Variants in SLC7A6 observed in about 807,000 individuals in gnomAD.
The protein encoded by SLC7A6 is Y+L amino acid transporter 2.
Under a neutral mutation model 46.6 loss-of-function variants are expected in SLC7A6, and 29 were observed. The ratio of observed to expected loss-of-function variants is 0.62; its 90% confidence interval spans 0.46 to 0.85. SLC7A6 has a LOEUF of 0.85. Among genes scored for constraint, SLC7A6 ranks in the 40% least tolerant of loss-of-function variants. The pLI is 0.00. For missense variants in SLC7A6, 527 were observed against 647.6 expected, an observed-to-expected ratio of 0.81 and a Z score of 2.02; for synonymous variants, 276 against 257.3, an observed-to-expected ratio of 1.07 and a Z score of -0.70.
At chr16:68,295,559 G>C (rs1356576651) in intron 8 of SLC7A6, among the ~76,000 whole-genome samples, 5 of 152,144 alleles carry the variant, frequency 3.3e-5, no homozygotes, top group Admixed American at 2.0e-4. Context: ...CAAAGTGCTG[G>C]GATTATAGGC....
intron 3 of SLC7A6, among the ~76,000 whole-genome samples, 188 bp downstream of exon 3, chr16:68,275,437 A>G (rs1346084248): frequency 6.6e-6 from 1 of 151,946 alleles, no homozygotes; most frequent in Non-Finnish European, 1.5e-5. Flanking sequence ...CTCTACTGAA[A>G]AAACAAATAT....
intron 7 of SLC7A6, 61 bp downstream of exon 7, chr16:68,291,722 A>G (rs745618983): frequency 3.0e-5 from 43 of 1,442,456 alleles, no homozygotes; most frequent in Non-Finnish European, 3.9e-5. Context: ...GGGCTTAGGC[A>G]TAAGAGTTCC....
intron 2 of SLC7A6, 125 bp from the exon 3 acceptor site, chr16:68,274,566 C>A: frequency 1.4e-6 from 1 of 733,874 alleles, no homozygotes; most frequent in Non-Finnish European, 2.2e-6. Flanking sequence ...CTGAGACAGG[C>A]CTATTGTAGT....
intron 10 of SLC7A6, 27 bp downstream of exon 10, chr16:68,296,837 A>G (rs2043179203): frequency 6.2e-7 from 1 of 1,611,428 alleles, no homozygotes; most frequent in African/African-American, 1.3e-5. Context: ...CCCATTACTC[A>G]CTGGCGGCTA....
intron 3 of SLC7A6, among the ~76,000 whole-genome samples, chr16:68,281,687 G>C (rs1270918049): frequency 6.6e-6 from 1 of 152,194 alleles, no homozygotes; most frequent in Non-Finnish European, 1.5e-5. Context: ...TGACCAGCAG[G>C]ATTCACAGTA....
chr16:68,267,811 AC>A (rs951963817), intron 2 of SLC7A6, among the ~76,000 whole-genome samples: 11 of 152,062 alleles, frequency 7.2e-5, no homozygotes, highest in Admixed American at 7.2e-4. Flanking sequence ...TTTGAGCCCT[AC>A]CCCCAACCTC....
At chr16:68,278,199 C>T (rs981586659) in intron 3 of SLC7A6, among the ~76,000 whole-genome samples, 1 of 151,406 alleles carries the variant, frequency 6.6e-6, no homozygotes, top group Non-Finnish European at 1.5e-5. Context: ...TCGTGATCCG[C>T]CTGCTTTGGC....
chr16:68,266,046 G>T (rs1490870159), intron 1 of SLC7A6, among the ~76,000 whole-genome samples: 1 of 152,016 alleles, frequency 6.6e-6, no homozygotes, highest in African/African-American at 2.4e-5. Flanking sequence ...GGATCACGGG[G>T]TCAGGAGATC....
At chr16:68,287,490 G>A in intron 3 of SLC7A6, 1 of 1,382,046 alleles carries the variant, frequency 7.2e-7, no homozygotes, top group Non-Finnish European at 9.5e-7. Flanking sequence ...AATGGTGCTA[G>A]CCATCAGGAT....
Position 68,291,206 on chromosome 16 carries a change from C to A in SLC7A6, c.795-3C>A, listed in dbSNP as rs752536623. The A allele has an allele frequency of 4.3e-6, 7 of 1,614,114 alleles. No individual in the cohort carries two copies. The highest frequency in any genetic ancestry group is 1.3e-5 in the African/African-American group (1 of 74,936). On this transcript the variant is annotated splice_region_variant and splice_polypyrimidine_tract_variant and intron_variant, in intron 5 of 10. Transcript: ENST00000219343. ...GGTAGTCCTTTCTCACTTGTCCTGA[C>A]AGAAATTTGCCCTTGGCCATTGGGA...
rs1270351164 is a variant in SLC7A6, at chr16:68,301,196, G to A, written c.*3868G>A. On this transcript the variant is annotated 3_prime_UTR_variant, in exon 11 of 11. Coordinates refer to ENST00000219343, the MANE Select transcript of SLC7A6 (RefSeq NM_003983.6). ...ACATGTTAAGCTAGGAAACCTAACA[G>A]GATGTCAGCAGGGCAGTTAACTCTG... 2 of 1,538,434 alleles carry A rather than the reference G, an allele frequency of 1.3e-6. No homozygotes were observed. Among genetic ancestry groups the A allele is most frequent in the Non-Finnish European group, 1.8e-6 (2 of 1,136,388 alleles).
intron 3 of SLC7A6, among the ~76,000 whole-genome samples, chr16:68,282,603 T>C (rs760793317): frequency 2.6e-4 from 39 of 151,738 alleles, no homozygotes; most frequent in Non-Finnish European, 5.4e-4. Context: ...ACCCTGCCTT[T>C]CTTCCTTTCT....
At chr16:68,292,853 A>G (rs1456302252) in intron 7 of SLC7A6, 1 of 152,256 alleles carries the variant, frequency 6.6e-6, no homozygotes, top group Non-Finnish European at 1.5e-5. Flanking sequence ...CAATTTTGAA[A>G]CAATTCCCAT....
At chr16:68,290,732 G>A in intron 5 of SLC7A6, 192 bp downstream of exon 5, 1 of 670,696 alleles carries the variant, frequency 1.5e-6, no homozygotes, top group Non-Finnish European at 2.5e-6. Flanking sequence ...TCGGCTCCCT[G>A]TCCTCACGTT....
intron 3 of SLC7A6, chr16:68,287,212 A>C: frequency 1.3e-6 from 1 of 756,366 alleles, no homozygotes; most frequent in Middle Eastern, 2.9e-4. Context: ...TCCTGGGCTC[A>C]CATGATCCAT....
chr16:68,294,871 T>C, intron 8 of SLC7A6, 70 bp downstream of exon 8: 12 of 1,094,452 alleles, frequency 1.1e-5, no homozygotes, highest in Non-Finnish European at 1.7e-5. Flanking sequence ...TGCTAAGTTG[T>C]TAAATAAGAG....
At chr16:68,270,595 T>C (rs955289340) in intron 2 of SLC7A6, among the ~76,000 whole-genome samples, 13 of 152,218 alleles carry the variant, frequency 8.5e-5, no homozygotes, top group Non-Finnish European at 1.8e-4. Flanking sequence ...TGACATTTGG[T>C]AATTTTTAAA....
intron 2 of SLC7A6, among the ~76,000 whole-genome samples, chr16:68,268,622 G>A (rs966538808): frequency 1.3e-5 from 2 of 152,100 alleles, no homozygotes; most frequent in Non-Finnish European, 2.9e-5. Flanking sequence ...TGGCAGTTTC[G>A]TGGTTAAATT....
At chr16:68,280,581 T>A (rs2042811357) in intron 3 of SLC7A6, among the ~76,000 whole-genome samples, 3 of 99,056 alleles carry the variant, frequency 3.0e-5, no homozygotes, top group African/African-American at 1.3e-4. Flanking sequence ...TAGTCGTAGC[T>A]TCTTTAAAAA....
Sources: gnomAD v4.1 joint callset for allele counts (sites outside exome capture counted in the v4.1 genomes callset) on GRCh38, gnomAD v4.1.1 for gene constraint, MANE v1.5 for transcripts, NCBI Gene and HGNC (gene_info 2026-07-23, HGNC 2026-07-21) for gene names.